MYRIP: variants seen among roughly 807,000 people sequenced by gnomAD.
The protein encoded by MYRIP is rab effector MyRIP.
MYRIP carries 49 observed loss-of-function variants against 98.0 expected under a neutral mutation model. The ratio of observed to expected loss-of-function variants is 0.50; its 90% CI spans 0.40 to 0.63. The LOEUF is 0.63. Among genes scored for constraint, MYRIP ranks in the 30% least tolerant of loss-of-function variants. The pLI, the probability that MYRIP is intolerant of heterozygous loss-of-function variation, is 0.00. For synonymous variants in MYRIP, 404 were observed against 409.5 expected, an observed-to-expected ratio of 0.99 and a Z score of 0.16; for missense variants, 1,004 against 1,058.2, an observed-to-expected ratio of 0.95 and a Z score of 0.71.
chr3:40,205,121 G>T (rs919420452), intron 10 of MYRIP, among the ~76,000 whole-genome samples: 5 of 152,126 alleles, frequency 3.3e-5, no homozygotes, highest in African/African-American at 1.2e-4. Flanking sequence ...TCTCATCAGG[G>T]GTGATTGCAC....
At chr3:40,068,701 T>C (rs932172086) in intron 3 of MYRIP, among the ~76,000 whole-genome samples, 1 of 152,216 alleles carries the variant, frequency 6.6e-6, no homozygotes, top group African/African-American at 2.4e-5. Flanking sequence ...GCTACATTGA[T>C]TGACTGAGCC....
chr3:40,215,596 G>A (rs7616688), intron 11 of MYRIP, among the ~76,000 whole-genome samples: 21,240 of 152,004 alleles, frequency 0.14, 3,177 homozygotes, highest in African/African-American at 0.38. Context: ...TAATGTGCTT[G>A]TGAAAAAAAA....
At chr3:40,196,577 T>C (rs1951400070) in intron 10 of MYRIP, among the ~76,000 whole-genome samples, 1 of 152,240 alleles carries the variant, frequency 6.6e-6, no homozygotes, top group South Asian at 2.1e-4. Flanking sequence ...GCTTACATAA[T>C]TGCTAATGTT....
intron 3 of MYRIP, among the ~76,000 whole-genome samples, chr3:40,139,328 C>T (rs1394229202): frequency 6.6e-6 from 1 of 152,126 alleles, no homozygotes; most frequent in African/African-American, 2.4e-5. Flanking sequence ...CAAATATATA[C>T]AATCATATAA....
At chr3:40,112,277 A>G (rs1949174181) in intron 3 of MYRIP, among the ~76,000 whole-genome samples, 1 of 152,082 alleles carries the variant, frequency 6.6e-6, no homozygotes, top group Non-Finnish European at 1.5e-5. Context: ...GGAGGGAAGA[A>G]GAGCAAAGGG....
chr3:39,899,999 G>A (rs184338196), intron 1 of MYRIP, among the ~76,000 whole-genome samples: 2 of 152,070 alleles, frequency 1.3e-5, no homozygotes, highest in Admixed American at 1.3e-4. Context: ...TTTTGGATCT[G>A]TAGTAGAGAC....
intron 3 of MYRIP, among the ~76,000 whole-genome samples, chr3:40,084,365 T>C (rs1477737072): frequency 3.4e-5 from 5 of 147,700 alleles, no homozygotes; most frequent in Admixed American, 1.3e-4. Flanking sequence ...CGATAGATAA[T>C]ACACATCTAT....
chr3:39,876,064 C>G (rs895352569), intron 1 of MYRIP, among the ~76,000 whole-genome samples: 4 of 152,138 alleles, frequency 2.6e-5, no homozygotes, highest in Admixed American at 2.6e-4. Flanking sequence ...GTTAGCTCTT[C>G]TTGTTGAATT....
chr3:40,032,069 A>T (rs1368611355), intron 2 of MYRIP, among the ~76,000 whole-genome samples: 1 of 151,822 alleles, frequency 6.6e-6, no homozygotes, highest in East Asian at 1.9e-4. Context: ...TAGTTCTTTT[A>T]ATTGTGATGT....
chr3:39,919,390 T>A (rs1356175386), intron 2 of MYRIP, among the ~76,000 whole-genome samples: 1 of 152,270 alleles, frequency 6.6e-6, no homozygotes, highest in Non-Finnish European at 1.5e-5. Context: ...TTGTCTCCCT[T>A]CTTGTGCAGT....
chr3:40,125,291 C>T (rs978839408), intron 3 of MYRIP, among the ~76,000 whole-genome samples: 1 of 152,186 alleles, frequency 6.6e-6, no homozygotes. Flanking sequence ...AATAGGCTGT[C>T]TGTAAGCTTG....
At chr3:40,065,044 C>T (rs1442410423) in intron 3 of MYRIP, among the ~76,000 whole-genome samples, 2 of 152,100 alleles carry the variant, frequency 1.3e-5, no homozygotes, top group Non-Finnish European at 2.9e-5. Flanking sequence ...GGTTAAAAAA[C>T]AGTTCTGAAG....
chr3:40,032,331 C>T (rs1174163071), intron 2 of MYRIP, among the ~76,000 whole-genome samples: 16 of 152,036 alleles, frequency 1.1e-4, no homozygotes, highest in East Asian at 3.9e-4. Context: ...TGTAGTTGAG[C>T]GGTTTTGAGT....
At chr3:39,941,315 T>A (rs999882706) in intron 2 of MYRIP, among the ~76,000 whole-genome samples, 1 of 151,912 alleles carries the variant, frequency 6.6e-6, no homozygotes, top group Non-Finnish European at 1.5e-5. Flanking sequence ...AGAGTAAAAA[T>A]TCACTCATTA....
chr3:39,824,688 T>C (rs909249310), intron 1 of MYRIP, among the ~76,000 whole-genome samples: 2 of 151,964 alleles, frequency 1.3e-5, no homozygotes, highest in Admixed American at 1.3e-4. Flanking sequence ...TGCATATTAA[T>C]CCTACTAATC....
At chr3:40,052,816 A>G (rs996081014) in intron 3 of MYRIP, among the ~76,000 whole-genome samples, 1 of 152,226 alleles carries the variant, frequency 6.6e-6, no homozygotes, top group Non-Finnish European at 1.5e-5. Flanking sequence ...AACGTGACAC[A>G]ATATGATAAA....
intron 13 of MYRIP, among the ~76,000 whole-genome samples, chr3:40,249,241 A>C (rs1226756236): frequency 6.6e-6 from 1 of 152,162 alleles, no homozygotes; most frequent in Non-Finnish European, 1.5e-5. Context: ...CAACACTCAG[A>C]ATGTACCATC....
chr3:39,836,418 T>A (rs1238651793), intron 1 of MYRIP, among the ~76,000 whole-genome samples: 2 of 152,222 alleles, frequency 1.3e-5, no homozygotes, highest in Non-Finnish European at 2.9e-5. Flanking sequence ...TTCATATCCT[T>A]TGCCCACTTT....
chr3:39,904,716 C>T (rs1253063178), intron 2 of MYRIP, among the ~76,000 whole-genome samples: 1 of 152,152 alleles, frequency 6.6e-6, no homozygotes, highest in Non-Finnish European at 1.5e-5. Context: ...CTACAGCTCA[C>T]AGTGAGCAGA....
Sources: gnomAD v4.1 joint callset for allele counts (sites outside exome capture counted in the v4.1 genomes callset) on GRCh38, gnomAD v4.1.1 for gene constraint, MANE v1.5 for transcripts, NCBI Gene and HGNC (gene_info 2026-07-23, HGNC 2026-07-21) for gene names.